ECT2L: variants seen among roughly 807,000 people sequenced by gnomAD.
ECT2L encodes the protein epithelial cell transforming 2 like.
In ECT2L, 126 loss-of-function variants were observed where a neutral mutation model predicts 122.8. The observed-to-expected ratio is 1.03, with a 90% CI of 0.89 to 1.19. ECT2L has a LOEUF of 1.19. ECT2L is among the 50% of genes most tolerant of loss of function. The pLI is 0.00. For synonymous variants in ECT2L, 385 were observed against 381.8 expected (o/e 1.01, Z -0.10); for missense variants, 1,012 against 1,064.1 (o/e 0.95, Z 0.68).
Position 138,894,981 on chromosome 6 carries a change from G to A in ECT2L, c.2414+5950G>A, listed in dbSNP as rs369019232. 2.0e-5 allele frequency among the ~76,000 whole-genome samples: 3 copies of A among 152,176 alleles called. 1 individual carries two copies. On this transcript the variant is annotated intron_variant, in intron 20 of 21. Transcript: ENST00000541398. The stretch of plus-strand genomic sequence containing the variant: ...TTCAAATTAATATTTGAAATTGACT[G>A]GGTGTGGTGGCTCATTCCCGTAATC...
chr6:138,846,763 GC>G (rs1454977755), intron 8 of ECT2L, 86 bp downstream of exon 8: 1 of 1,304,802 alleles, frequency 7.7e-7, no homozygotes, highest in African/African-American at 1.5e-5. Flanking sequence ...TGTGTGACAA[GC>G]TTTTGGCCAC....
chr6:138,796,739 T>C (rs1368660238), intron 1 of ECT2L, among the ~76,000 whole-genome samples: 1 of 152,216 alleles, frequency 6.6e-6, no homozygotes, highest in Non-Finnish European at 1.5e-5. Context: ...CTTTAAAATA[T>C]CGATTTAAAA....
intron 10 of ECT2L, among the ~76,000 whole-genome samples, chr6:138,860,931 A>G (rs1253402703): frequency 1.3e-5 from 2 of 151,634 alleles, no homozygotes; most frequent in African/African-American, 4.9e-5. Flanking sequence ...CCCTGCATCC[A>G]TGTGTTCTCA....
intron 20 of ECT2L, among the ~76,000 whole-genome samples, chr6:138,896,253 T>C (rs1280401560): frequency 3.3e-5 from 5 of 152,082 alleles, no homozygotes; most frequent in African/African-American, 4.8e-5. Context: ...TTTTTAAGCA[T>C]GCTTTTTTTC....
At chr6:138,818,437 G>A (rs1443642480) in intron 4 of ECT2L, among the ~76,000 whole-genome samples, 1 of 152,128 alleles carries the variant, frequency 6.6e-6, no homozygotes, top group Non-Finnish European at 1.5e-5. Context: ...GCAATCTGGT[G>A]TGCAGTTTTT....
In ECT2L at chr6:138,901,036, G is replaced by C; in HGVS notation, c.2503G>C (p.Glu835Gln). 6 of 1,614,156 alleles carry C rather than the reference G, an allele frequency of 3.7e-6. No homozygotes were observed. Among genetic ancestry groups the C allele is most frequent in the Non-Finnish European group, 5.1e-6 (6 of 1,180,022 alleles). ...SSRGTSHTPF[E>Q]RTSKTTYQFI... ...TCGGGGCACATCTCACACTCCATTT[G>C]AGAGGACTTCAAAAACAACCTACCA... The change falls in exon 21 of 22, where the codon GAG becomes CAG. Residue 835 changes from glutamate (E) to glutamine (Q), a missense_variant. Transcript: ENST00000541398.
intron 4 of ECT2L, among the ~76,000 whole-genome samples, chr6:138,822,293 C>T (rs1776293232): frequency 6.6e-6 from 1 of 152,194 alleles, no homozygotes; most frequent in Non-Finnish European, 1.5e-5. Context: ...GGCTCACGCG[C>T]CTGTAAGCTT....
intron 20 of ECT2L, 131 bp downstream of exon 20, chr6:138,889,162 T>C (rs1371171415): frequency 7.9e-6 from 3 of 381,206 alleles, no homozygotes; most frequent in African/African-American, 4.2e-5. Flanking sequence ...TGCATTGGAC[T>C]GAAAAGTTAC....
chr6:138,827,923 A>C (rs1776508152), intron 4 of ECT2L, among the ~76,000 whole-genome samples: 1 of 136,932 alleles, frequency 7.3e-6, no homozygotes, highest in Non-Finnish European at 1.5e-5. Flanking sequence ...TCCAGGACAT[A>C]ACTTTTTTAT....
intron 20 of ECT2L, among the ~76,000 whole-genome samples, chr6:138,891,421 A>T (rs1045981737): frequency 1.3e-5 from 2 of 152,150 alleles, no homozygotes; most frequent in Non-Finnish European, 2.9e-5. Context: ...GATAAGAGAC[A>T]TTTACCATCT....
intron 20 of ECT2L, 78 bp from the exon 21 acceptor site, chr6:138,900,870 T>A (rs146692472): frequency 6.9e-7 from 1 of 1,459,742 alleles, no homozygotes; most frequent in East Asian, 2.3e-5. Context: ...TAGTGACTTA[T>A]CAATTTCAAG....
chr6:138,812,070 C>A (rs1264720784), intron 1 of ECT2L, among the ~76,000 whole-genome samples: 1 of 152,120 alleles, frequency 6.6e-6, no homozygotes, highest in Non-Finnish European at 1.5e-5. Flanking sequence ...AAAGGAGAAG[C>A]AGAAAGAAGA....
At chr6:138,839,120 AGATTT>A (rs2128387419) in intron 5 of ECT2L, among the ~76,000 whole-genome samples, 1 of 152,284 alleles carries the variant, frequency 6.6e-6, no homozygotes, top group South Asian at 2.1e-4. Flanking sequence ...TTTATGCTTT[AGATTT>A]TGTATATTAT....
chr6:138,829,478 C>T (rs1233572347), intron 4 of ECT2L, among the ~76,000 whole-genome samples: 5 of 152,112 alleles, frequency 3.3e-5, no homozygotes, highest in Non-Finnish European at 7.3e-5. Context: ...GTATTGCATC[C>T]ATATCTCTTT....
intron 13 of ECT2L, among the ~76,000 whole-genome samples, chr6:138,874,322 T>A (rs889058951): frequency 6.6e-5 from 10 of 152,298 alleles, no homozygotes; most frequent in African/African-American, 2.4e-4. Flanking sequence ...GCAAAGTTTC[T>A]GCCATGTTAC....
In ECT2L at chr6:138,838,453, G is replaced by GTCTTT. The variant is rs1776922081; in HGVS notation, c.283_284insTTTTC (p.Pro95LeufsTer19). ...TCTCTATATATCTTTTCCTTTTTGA[G>GTCTTT]TCCGAAAGATTTGTGTGCCGCTGCC... On this transcript the variant is annotated frameshift_variant, in exon 5 of 22. Coordinates refer to ENST00000541398, the MANE Select transcript of ECT2L (RefSeq NM_001077706.3). LOFTEE classifies it high-confidence loss of function. The GTCTTT allele has an allele frequency of 3.1e-6, 5 of 1,613,692 alleles. No homozygotes were observed. The highest frequency in any genetic ancestry group is 3.3e-5 in the Admixed American group (2 of 59,958).
At chr6:138,874,036 G>A (rs1778357664) in intron 13 of ECT2L, among the ~76,000 whole-genome samples, 1 of 152,078 alleles carries the variant, frequency 6.6e-6, no homozygotes, top group African/African-American at 2.4e-5. Context: ...TGCAACCATG[G>A]TGATGGCTGC....
At position 138,839,939 on chromosome 6, in the gene ECT2L, C is replaced by T. The variant is rs1776978982; in HGVS notation, c.342+1425C>T. On this transcript the variant is annotated intron_variant, in intron 5 of 21. Coordinates refer to ENST00000541398, the MANE Select transcript of ECT2L (RefSeq NM_001077706.3). ...ACACTTTAAATTCATTTACCTTCCT[C>T]TCAGTTTCCATGCTTTTTTTGTTAA... Among the ~76,000 whole-genome samples, 3 of 152,068 alleles carry T rather than the reference C, an allele frequency of 2.0e-5. No individual in the cohort carries two copies. The South Asian group carries it at 6.2e-4, about 32-fold the overall frequency.
chr6:138,805,113 A>C (rs1775672357), intron 1 of ECT2L, among the ~76,000 whole-genome samples: 1 of 152,146 alleles, frequency 6.6e-6, no homozygotes, highest in Non-Finnish European at 1.5e-5. Context: ...CCTCTGTGTA[A>C]TATATTGTGT....
Sources: gnomAD v4.1 joint callset for allele counts (sites outside exome capture counted in the v4.1 genomes callset) on GRCh38, gnomAD v4.1.1 for gene constraint, MANE v1.5 for transcripts, NCBI Gene and HGNC (gene_info 2026-07-23, HGNC 2026-07-21) for gene names.